Variants in TMEM161B observed in about 807,000 individuals in gnomAD.
TMEM161B encodes the protein transmembrane protein 161B.
TMEM161B carries 34 observed loss-of-function variants against 61.8 expected under a neutral mutation model. That is an observed-to-expected ratio of 0.55 (90% CI 0.42 to 0.73). The LOEUF is 0.73. Among genes scored for constraint, TMEM161B ranks in the 30% least tolerant of loss-of-function variants. TMEM161B has a pLI of 0.00. For missense variants in TMEM161B, 456 were observed against 558.5 expected, an observed-to-expected ratio of 0.82 and a Z score of 1.85; for synonymous variants, 167 against 192.8, an observed-to-expected ratio of 0.87 and a Z score of 1.11.
intron 3 of TMEM161B, among the ~76,000 whole-genome samples, chr5:88,227,171 C>T (rs577804208): frequency 6.6e-6 from 1 of 152,258 alleles, no homozygotes; most frequent in African/African-American, 2.4e-5. Flanking sequence ...GCCTGAGTGA[C>T]AGAGTGAGAC....
At chr5:88,241,191 T>C (rs1157895461) in intron 1 of TMEM161B, among the ~76,000 whole-genome samples, 2 of 151,792 alleles carry the variant, frequency 1.3e-5, no homozygotes, top group African/African-American at 2.4e-5. Context: ...TTGTATTAGG[T>C]ATTATAAGTA....
At chr5:88,200,497 T>G (rs1247672314) in intron 9 of TMEM161B, 1 of 152,102 alleles carries the variant, frequency 6.6e-6, no homozygotes, top group African/African-American at 2.4e-5. Flanking sequence ...GACAGCTATT[T>G]CACAGCCTTT....
chr5:88,221,819 A>C, intron 4 of TMEM161B: 1 of 450,214 alleles, frequency 2.2e-6, no homozygotes. Context: ...CTTATGGCAC[A>C]TAATAAAATG....
chr5:88,264,135 G>A (rs765840021), intron 1 of TMEM161B, among the ~76,000 whole-genome samples: 1 of 151,648 alleles, frequency 6.6e-6, no homozygotes, highest in Non-Finnish European at 1.5e-5. Flanking sequence ...ACTGCATCCA[G>A]TGCTAGAGTA....
At chr5:88,192,402 A>G (rs1749048218), downstream of TMEM161B, among the ~76,000 whole-genome samples, 1 of 152,170 alleles carries the variant, frequency 6.6e-6, no homozygotes, top group African/African-American at 2.4e-5. Flanking sequence ...CACCTTAGGA[A>G]CAAAACAAAA....
intron 1 of TMEM161B, among the ~76,000 whole-genome samples, chr5:88,266,903 A>G (rs1368546195): frequency 6.6e-6 from 1 of 152,332 alleles, no homozygotes; most frequent in East Asian, 1.9e-4. Flanking sequence ...TTAGTTCCAA[A>G]ATGACATTCA....
intron 9 of TMEM161B, 43 bp from the exon 10 acceptor site, chr5:88,199,193 T>C (rs530746022): frequency 1.6e-5 from 24 of 1,546,628 alleles, no homozygotes; most frequent in Non-Finnish European, 2.0e-5. Context: ...AAGACAACAA[T>C]ATGCTAGCAT....
chr5:88,205,644 T>A, intron 8 of TMEM161B, 170 bp downstream of exon 8: 1 of 671,512 alleles, frequency 1.5e-6, no homozygotes, highest in South Asian at 2.5e-5. Context: ...GACTTAAAAT[T>A]TAGAAGCAAA....
intron 5 of TMEM161B, among the ~76,000 whole-genome samples, chr5:88,219,601 C>T (rs1748545012): frequency 1.3e-5 from 2 of 151,854 alleles, no homozygotes; most frequent in Admixed American, 1.3e-4. Context: ...AAAAAGCTTC[C>T]AGAGGGTTTA....
rs1055914527 is a variant in TMEM161B, at chr5:88,240,776, G to C, written c.107+37C>G. 4.2e-6 allele frequency: 6 copies of C among 1,438,142 alleles called. No individual in the cohort carries two copies. In the African/African-American group the frequency reaches 7.0e-5, roughly 17 times the overall value. The allele number at this position is 1,438,142 out of a possible 1,614,324, so 89.1% of individuals were successfully genotyped here. A position where few individuals can be genotyped will look rare whatever the true frequency, so the allele number is the denominator to read the frequency against. ...TAATCAGTTTGGTAAACTAGAGATT[G>C]AAAGTGTCAGTTGAAATCAGCCTAT... On this transcript the variant is annotated intron_variant, in intron 2 of 11. Transcript: ENST00000296595.
rs1193014492 is a variant in TMEM161B at position 88,253,567 on chromosome 5, T to C, written c.4-12651A>G. 2.0e-5 allele frequency among the ~76,000 whole-genome samples: 3 copies of C among 152,320 alleles called. No individual in the cohort carries two copies. The East Asian group carries it at 5.8e-4, about 29-fold the overall frequency. On this transcript the variant is annotated intron_variant, in intron 1 of 11. Coordinates refer to ENST00000296595, the MANE Select transcript of TMEM161B (RefSeq NM_153354.5). ...TCCAGAAATAATGTGAAGTTCCACA[T>C]GGCTAGACTTTAGTATGGGTTGCAC... is the stretch of plus-strand genomic sequence containing the variant.
chr5:88,248,098 G>A (rs1753859973), intron 1 of TMEM161B, among the ~76,000 whole-genome samples: 1 of 152,092 alleles, frequency 6.6e-6, no homozygotes, highest in Non-Finnish European at 1.5e-5. Flanking sequence ...GGTGATATCT[G>A]CCTCACATGG....
At chr5:88,230,922 C>A (rs1750882317) in intron 2 of TMEM161B, among the ~76,000 whole-genome samples, 1 of 152,094 alleles carries the variant, frequency 6.6e-6, no homozygotes, top group African/African-American at 2.4e-5. Context: ...AGGGTCAGGA[C>A]TTTCAGGAAC....
intron 9 of TMEM161B, chr5:88,199,983 T>C (rs956457650): frequency 2.6e-5 from 4 of 151,980 alleles, no homozygotes; most frequent in South Asian, 4.1e-4. Flanking sequence ...ATGACTATTG[T>C]AATGCACAGA....
At position 88,223,854 on chromosome 5, in the gene TMEM161B, A is replaced by C. The variant is rs374170203; in HGVS notation, c.289+1915T>G. 7.2e-5 allele frequency among the ~76,000 whole-genome samples: 11 copies of C among 151,964 alleles called. No individual in the cohort carries two copies. The East Asian group carries it at 1.9e-3, about 27-fold the overall frequency. On this transcript the variant is annotated intron_variant, in intron 4 of 11. Coordinates refer to ENST00000296595, the MANE Select transcript of TMEM161B (RefSeq NM_153354.5). ...CAGTGAGCCAAGATAGCACCACTGC[A>C]CTCCAGCCTGGGTGACAGAGCGAGA...
chr5:88,194,855 A>T (rs1749362808), downstream of TMEM161B, among the ~76,000 whole-genome samples: 1 of 152,104 alleles, frequency 6.6e-6, no homozygotes, highest in African/African-American at 2.4e-5. Context: ...AAGACAAAAA[A>T]ACTACCTTTA....
At chr5:88,197,530 A>C in intron 11 of TMEM161B, 139 bp downstream of exon 11, 3 of 737,618 alleles carry the variant, frequency 4.1e-6, no homozygotes, top group Non-Finnish European at 6.7e-6. Flanking sequence ...TCCACAGCTA[A>C]AACTTTCCCA....
At chr5:88,236,343 T>C (rs1425818443) in intron 2 of TMEM161B, among the ~76,000 whole-genome samples, 1 of 152,144 alleles carries the variant, frequency 6.6e-6, no homozygotes, top group Non-Finnish European at 1.5e-5. Context: ...GCAAGGAAGC[T>C]ATCACAGAGA....
intron 5 of TMEM161B, 86 bp downstream of exon 5, chr5:88,220,477 G>T: frequency 9.2e-7 from 1 of 1,088,682 alleles, no homozygotes; most frequent in Non-Finnish European, 1.2e-6. Context: ...GTTATCTAAT[G>T]ACATAAAATC....
Sources: allele counts gnomAD v4.1 joint callset (sites outside exome capture counted in the v4.1 genomes callset), GRCh38; gene constraint gnomAD v4.1.1; transcripts MANE v1.5; gene names NCBI Gene and HGNC (gene_info 2026-07-23, HGNC 2026-07-21).